SYNPR: variants seen among roughly 807,000 people sequenced by gnomAD.
The protein encoded by SYNPR is synaptoporin.
In SYNPR, 23 loss-of-function variants were observed where a neutral mutation model predicts 32.9. The ratio of observed to expected loss-of-function variants is 0.70; its 90% CI spans 0.50 to 0.99. The LOEUF is 0.99. Among genes scored for constraint, SYNPR ranks in the 50% least tolerant of loss-of-function variants. The pLI, the probability that SYNPR is intolerant of heterozygous loss-of-function variation, is 0.00. For synonymous variants in SYNPR, 146 were observed against 135.9 expected, an observed-to-expected ratio of 1.07 and a Z score of -0.52; for missense variants, 318 against 349.3, an observed-to-expected ratio of 0.91 and a Z score of 0.71.
intron 2 of SYNPR, among the ~76,000 whole-genome samples, chr3:63,336,185 T>G (rs1037747238): frequency 6.6e-6 from 1 of 152,080 alleles, no homozygotes; most frequent in Non-Finnish European, 1.5e-5. Flanking sequence ...ATTATTTAAT[T>G]AGGTAAAATA....
chr3:63,392,544 G>A (rs1560214988), intron 2 of SYNPR, among the ~76,000 whole-genome samples: 1 of 152,150 alleles, frequency 6.6e-6, no homozygotes, highest in Non-Finnish European at 1.5e-5. Context: ...AATCCAGGGA[G>A]ATAATGTATG....
chr3:63,577,538 A>G (rs1413474554), intron 4 of SYNPR, among the ~76,000 whole-genome samples: 1 of 152,096 alleles, frequency 6.6e-6, no homozygotes, highest in Non-Finnish European at 1.5e-5. Context: ...AGGGGCAAAT[A>G]CAGTGGGGAG....
At chr3:63,225,914 G>A (rs942112305), upstream of SYNPR, among the ~76,000 whole-genome samples, 12 of 151,560 alleles carry the variant, frequency 7.9e-5, no homozygotes, top group African/African-American at 2.9e-4. Flanking sequence ...TATGACAAGG[G>A]ACTAACATCA....
chr3:63,352,409 G>A (rs1383738218), intron 2 of SYNPR, among the ~76,000 whole-genome samples: 1 of 152,174 alleles, frequency 6.6e-6, no homozygotes, highest in African/African-American at 2.4e-5. Context: ...GTATCATAAA[G>A]CTCGATGGTT....
At chr3:63,305,756 GT>G (rs2086903441) in intron 2 of SYNPR, among the ~76,000 whole-genome samples, 1 of 151,974 alleles carries the variant, frequency 6.6e-6, no homozygotes, top group Non-Finnish European at 1.5e-5. Context: ...GTCAAATCGA[GT>G]TGTTAGATAC....
chr3:63,600,315 T>A (rs1700020884), intron 4 of SYNPR, among the ~76,000 whole-genome samples: 1 of 151,736 alleles, frequency 6.6e-6, no homozygotes, highest in Non-Finnish European at 1.5e-5. Flanking sequence ...CCCTTCTACA[T>A]CATGCTCTGT....
At chr3:63,598,861 C>T (rs1699997882) in intron 4 of SYNPR, among the ~76,000 whole-genome samples, 1 of 152,174 alleles carries the variant, frequency 6.6e-6, no homozygotes, top group South Asian at 2.1e-4. Context: ...AAAAATGTGT[C>T]TTCCATATCC....
intron 1 of SYNPR, among the ~76,000 whole-genome samples, chr3:63,229,041 TACTC>T (rs1451468546): frequency 6.6e-6 from 1 of 152,194 alleles, no homozygotes; most frequent in East Asian, 1.9e-4. Context: ...CTGTTCAGAA[TACTC>T]AGTTTTTATT....
intron 3 of SYNPR, among the ~76,000 whole-genome samples, chr3:63,536,335 A>G (rs1243388711): frequency 6.6e-6 from 1 of 152,160 alleles, no homozygotes; most frequent in Non-Finnish European, 1.5e-5. Flanking sequence ...CCAAGAAGAT[A>G]TACAAATAGC....
At chr3:63,235,491 T>G (rs1287122287) in intron 1 of SYNPR, among the ~76,000 whole-genome samples, 3 of 152,206 alleles carry the variant, frequency 2.0e-5, no homozygotes, top group Non-Finnish European at 4.4e-5. Flanking sequence ...TGCTGGATTG[T>G]CTGTTAACCA....
chr3:63,577,685 T>C (rs1703009600), intron 4 of SYNPR, among the ~76,000 whole-genome samples: 1 of 152,114 alleles, frequency 6.6e-6, no homozygotes, highest in African/African-American at 2.4e-5. Context: ...TATTTAAAGT[T>C]GGAGGACTTA....
chr3:63,410,598 G>A (rs1470505096), intron 2 of SYNPR, among the ~76,000 whole-genome samples: 2 of 152,126 alleles, frequency 1.3e-5, no homozygotes, highest in Non-Finnish European at 2.9e-5. Flanking sequence ...TGTCTGCCTT[G>A]TATCTTTTAA....
intron 2 of SYNPR, among the ~76,000 whole-genome samples, chr3:63,403,120 T>G (rs1364660414): frequency 6.6e-6 from 1 of 152,192 alleles, no homozygotes; most frequent in African/African-American, 2.4e-5. Context: ...CATTCTGCCA[T>G]TAATTCTGTA....
chr3:63,567,649 T>C (rs1702814834), intron 4 of SYNPR, among the ~76,000 whole-genome samples: 1 of 152,196 alleles, frequency 6.6e-6, no homozygotes, highest in Non-Finnish European at 1.5e-5. Flanking sequence ...GACATCTTCA[T>C]TTCCATTGCT....
At chr3:63,474,648 C>A (rs1273361329) in intron 2 of SYNPR, among the ~76,000 whole-genome samples, 1 of 152,040 alleles carries the variant, frequency 6.6e-6, no homozygotes, top group East Asian at 1.9e-4. Context: ...TGGAAACTGG[C>A]AAATGCTATA....
rs111512635 is a variant in SYNPR at position 63,397,456 on chromosome 3, T to G, written c.85-83376T>G. 1.6e-3 allele frequency among the ~76,000 whole-genome samples: 247 copies of G among 152,348 alleles called. 4 individuals are homozygous for G. Among genetic ancestry groups the G allele is most frequent in the Middle Eastern group, 0.01 (3 of 294 alleles). ...ACCTACTTTGCCTCCCTTTCACTTA[T>G]TCCCTTACTTCTTTTTTTCTCCCTA... On this transcript the variant is annotated intron_variant, in intron 2 of 5. Transcript: ENST00000478300.
In SYNPR at chr3:63,448,856, T is replaced by A. The variant is rs548827028; in HGVS notation, c.85-31976T>A. Reference sequence around the variant, plus strand: ...CCCAGGATGTGTTTTCTTAAAAGCATAATTGAACTGTTCTAGTAAGGCATT... The same window carrying A: ...CCCAGGATGTGTTTTCTTAAAAGCAAAATTGAACTGTTCTAGTAAGGCATT... On this transcript the variant is annotated intron_variant, in intron 2 of 5. Transcript: ENST00000478300. 1.0e-3 allele frequency among the ~76,000 whole-genome samples: 152 copies of A among 152,314 alleles called. 1 individual carries two copies. The highest frequency in any genetic ancestry group is 3.3e-3 in the African/African-American group (137 of 41,574).
chr3:63,609,424 G>A (rs973528163), intron 5 of SYNPR, 108 bp downstream of exon 5: 5 of 1,021,852 alleles, frequency 4.9e-6, no homozygotes, highest in South Asian at 4.4e-5. Flanking sequence ...TACAAAACTA[G>A]GCCAATCAAA....
intron 4 of SYNPR, among the ~76,000 whole-genome samples, chr3:63,579,877 G>C (rs1251880747): frequency 6.6e-6 from 1 of 151,164 alleles, no homozygotes; most frequent in Non-Finnish European, 1.5e-5. Flanking sequence ...GAACACTCTA[G>C]TGTTTCTCCT....
Sources: gnomAD v4.1 joint callset for allele counts (sites outside exome capture counted in the v4.1 genomes callset) on GRCh38, gnomAD v4.1.1 for gene constraint, MANE v1.5 for transcripts, NCBI Gene and HGNC (gene_info 2026-07-23, HGNC 2026-07-21) for gene names.